NRP1: variants seen among roughly 807,000 people sequenced by gnomAD.
NRP1 encodes the protein neuropilin 1.
NRP1 carries 35 observed loss-of-function variants against 106.7 expected under a neutral mutation model. The observed-to-expected ratio is 0.33, with a 90% confidence interval of 0.25 to 0.43. The LOEUF (loss-of-function observed/expected upper bound fraction) is 0.43. Among genes scored for constraint, NRP1 ranks in the 20% least tolerant of loss-of-function variants. NRP1 has a pLI of 1.00. For missense variants in NRP1, 1,024 were observed against 1,170.4 expected (o/e 0.87, Z 1.83); for synonymous variants, 437 against 417.9 (o/e 1.05, Z -0.56).
intron 3 of NRP1, among the ~76,000 whole-genome samples, chr10:33,264,168 C>T (rs1842764946): frequency 6.6e-6 from 1 of 152,162 alleles, no homozygotes. Flanking sequence ...AATGAGTAAG[C>T]TGCAGAAATC....
chr10:33,184,287 A>G (rs1423557194), intron 15 of NRP1, among the ~76,000 whole-genome samples: 1 of 152,236 alleles, frequency 6.6e-6, no homozygotes, highest in Non-Finnish European at 1.5e-5. Flanking sequence ...AAGTGCTGGG[A>G]TGACAGACGT....
chr10:33,260,434 T>C (rs930315731), intron 4 of NRP1, among the ~76,000 whole-genome samples: 2 of 152,210 alleles, frequency 1.3e-5, no homozygotes, highest in Non-Finnish European at 2.9e-5. Context: ...TTATGAAATG[T>C]ATTCCTGAAA....
At chr10:33,193,800 G>A (rs1303325035) in intron 12 of NRP1, among the ~76,000 whole-genome samples, 1 of 152,132 alleles carries the variant, frequency 6.6e-6, no homozygotes, top group African/African-American at 2.4e-5. Flanking sequence ...GAATAGATAA[G>A]AATGATTTAC....
In NRP1 at chr10:33,250,289, A is replaced by G. The variant is rs550944029; in HGVS notation, c.981+3739T>C. 2.0e-5 allele frequency among the ~76,000 whole-genome samples: 3 copies of G among 152,328 alleles called. No homozygotes were observed. The East Asian group carries it at 5.8e-4, about 29-fold the overall frequency. On this transcript the variant is annotated intron_variant, in intron 6 of 16. Transcript: ENST00000374867. ...AAGGAGTTTCAGAAAAGCTGGAAAC[A>G]CATGAAATTATTCATAATTAGGTGA...
At chr10:33,193,749 C>T (rs1836579101) in intron 12 of NRP1, among the ~76,000 whole-genome samples, 1 of 152,140 alleles carries the variant, frequency 6.6e-6, no homozygotes, top group South Asian at 2.1e-4. Context: ...TCCATGGCCC[C>T]TCCCCCAATG....
intron 9 of NRP1, chr10:33,212,000 C>T (rs1795332611): frequency 6.6e-6 from 1 of 152,166 alleles, no homozygotes; most frequent in African/African-American, 2.4e-5. Flanking sequence ...TCTGGGCCAC[C>T]CAGCACACTC....
At chr10:33,203,113 G>A in intron 10 of NRP1, 118 bp from the exon 11 acceptor site, 1 of 964,164 alleles carries the variant, frequency 1.0e-6, no homozygotes, top group Non-Finnish European at 1.5e-6. Flanking sequence ...GAAGACCAGG[G>A]GCATGGTTTG....
rs1231732464 is a variant in NRP1, at chr10:33,203,866, G to A, written c.1760-871C>T. 8.7e-5 allele frequency among the ~76,000 whole-genome samples: 11 copies of A among 126,330 alleles called. 2 individuals carry two copies. The highest frequency in any genetic ancestry group is 1.8e-4 in the Admixed American group (2 of 10,842). 82.9% of individuals were successfully genotyped at this position (126,330 alleles called of 152,430 possible). A position where few individuals can be genotyped will look rare whatever the true frequency, so the allele number is the denominator to read the frequency against. The stretch of plus-strand genomic sequence containing the variant: ...CGCCATTCTCCTGCCTCAGCCTCCC[G>A]AGTAGCTGGGACTACAGGCGCCCGC... On this transcript the variant is annotated intron_variant, in intron 10 of 16. Coordinates refer to ENST00000374867, the MANE Select transcript of NRP1 (RefSeq NM_003873.7).
intron 2 of NRP1, among the ~76,000 whole-genome samples, chr10:33,318,904 G>A (rs1847234031): frequency 1.3e-5 from 2 of 151,572 alleles, no homozygotes; most frequent in Non-Finnish European, 2.9e-5. Context: ...AGGCTTGGCA[G>A]CCTGTTCCCA....
chr10:33,204,307 C>A (rs1261825838), intron 10 of NRP1, among the ~76,000 whole-genome samples: 1 of 152,142 alleles, frequency 6.6e-6, no homozygotes, highest in East Asian at 1.9e-4. Flanking sequence ...CAAGTTTCAA[C>A]TTCTTCAACG....
At chr10:33,299,933 C>T (rs528464261) in intron 2 of NRP1, among the ~76,000 whole-genome samples, 2 of 152,188 alleles carry the variant, frequency 1.3e-5, no homozygotes, top group Non-Finnish European at 2.9e-5. Context: ...ATTGACTGCT[C>T]TCTACTTCTC....
chr10:33,302,147 T>C (rs1256920682), intron 2 of NRP1, among the ~76,000 whole-genome samples: 2 of 152,204 alleles, frequency 1.3e-5, no homozygotes, highest in African/African-American at 4.8e-5. Context: ...GAAACGCAAC[T>C]GAAGGAGATG....
At chr10:33,192,086 A>G (rs1002474415) in intron 13 of NRP1, among the ~76,000 whole-genome samples, 195 bp downstream of exon 13, 1 of 151,934 alleles carries the variant, frequency 6.6e-6, no homozygotes, top group African/African-American at 2.4e-5. Context: ...AAGGGGCATT[A>G]CTATGATTTG....
At chr10:33,265,317 C>T (rs1564437052) in intron 3 of NRP1, among the ~76,000 whole-genome samples, 1 of 152,162 alleles carries the variant, frequency 6.6e-6, no homozygotes, top group African/African-American at 2.4e-5. Context: ...AGTTCAACAA[C>T]TCTTTTCCTG....
chr10:33,202,535 G>T, intron 11 of NRP1: 2 of 1,345,712 alleles, frequency 1.5e-6, no homozygotes, highest in Admixed American at 3.0e-5. Context: ...ATTCTGAAGT[G>T]TGTGGTTACG....
intron 7 of NRP1, among the ~76,000 whole-genome samples, chr10:33,225,831 A>G (rs564497427): frequency 7.9e-5 from 12 of 152,352 alleles, no homozygotes; most frequent in African/African-American, 2.9e-4. Context: ...TAAGGTTCTA[A>G]GAGGACAGTG....
intron 6 of NRP1, among the ~76,000 whole-genome samples, chr10:33,247,675 A>G (rs1245160460): frequency 1.3e-5 from 2 of 152,210 alleles, no homozygotes; most frequent in South Asian, 2.1e-4. Flanking sequence ...TGAAAAACAT[A>G]ATCAGAGTGG....
At chr10:33,266,904 C>T (rs951761674) in intron 3 of NRP1, among the ~76,000 whole-genome samples, 18 of 151,942 alleles carry the variant, frequency 1.2e-4, no homozygotes, top group Non-Finnish European at 2.1e-4. Context: ...TAGTGGCGGG[C>T]GCCTGTAGTC....
chr10:33,291,891 C>CTGTTT (rs1269044045), intron 2 of NRP1, among the ~76,000 whole-genome samples: 2 of 151,934 alleles, frequency 1.3e-5, no homozygotes, highest in Non-Finnish European at 2.9e-5. Flanking sequence ...GTTTTTTTGT[C>CTGTTT]TGTTTTGTTT....
Sources: allele counts gnomAD v4.1 joint callset (sites outside exome capture counted in the v4.1 genomes callset), GRCh38; gene constraint gnomAD v4.1.1; transcripts MANE v1.5; gene names NCBI Gene and HGNC (gene_info 2026-07-23, HGNC 2026-07-21).